Variants in CUL1 observed in about 807,000 individuals in gnomAD.
CUL1 encodes cullin-1.
Under a neutral mutation model 118.0 loss-of-function variants are expected in CUL1, and 24 were observed. That is an observed-to-expected ratio of 0.20 (90% confidence interval 0.15 to 0.29). The LOEUF (loss-of-function observed/expected upper bound fraction) is 0.29. CUL1 is among the 10% of genes least tolerant of loss of function. The probability of loss-of-function intolerance (pLI) is 1.00; values close to 1 mark genes in which losing one functional copy is unlikely to be tolerated. For synonymous variants in CUL1, 332 were observed against 340.4 expected (o/e 0.98, Z 0.27); for missense variants, 361 against 933.8 (o/e 0.39, Z 7.99).
At chr7:148,705,789 T>C (rs1174879983) in intron 1 of CUL1, among the ~76,000 whole-genome samples, 1 of 152,182 alleles carries the variant, frequency 6.6e-6, no homozygotes, top group Non-Finnish European at 1.5e-5. Flanking sequence ...TTCAAGCTTA[T>C]CTATAGGAAC....
At chr7:148,742,131 A>C (rs1375549345) in intron 2 of CUL1, among the ~76,000 whole-genome samples, 3 of 152,212 alleles carry the variant, frequency 2.0e-5, no homozygotes, top group Non-Finnish European at 4.4e-5. Context: ...AACTTCCTAC[A>C]ATGAAGCCAA....
At chr7:148,748,723 C>T (rs995196544) in intron 2 of CUL1, among the ~76,000 whole-genome samples, 14 of 152,130 alleles carry the variant, frequency 9.2e-5, no homozygotes, top group Admixed American at 2.0e-4. Context: ...TAATGGCCCC[C>T]CCGTTCTGGC....
At chr7:148,720,218 G>A (rs1798356283) in intron 1 of CUL1, among the ~76,000 whole-genome samples, 1 of 152,196 alleles carries the variant, frequency 6.6e-6, no homozygotes, top group Non-Finnish European at 1.5e-5. Context: ...AGTTAACAGA[G>A]TGAGTGCCTG....
intron 9 of CUL1, 183 bp from the exon 10 acceptor site, chr7:148,783,600 A>C: frequency 6.6e-7 from 1 of 1,515,188 alleles, no homozygotes; most frequent in South Asian, 1.2e-5. Flanking sequence ...TATATATATA[A>C]ACAAAATGTC....
chr7:148,769,969 G>A (rs1800154247), intron 9 of CUL1, among the ~76,000 whole-genome samples: 1 of 152,182 alleles, frequency 6.6e-6, no homozygotes, highest in Non-Finnish European at 1.5e-5. Flanking sequence ...ACCAAAGTAA[G>A]GTGCTAAATT....
At chr7:148,766,337 G>T (rs1420623967) in intron 7 of CUL1, among the ~76,000 whole-genome samples, 3 of 152,074 alleles carry the variant, frequency 2.0e-5, no homozygotes, top group Non-Finnish European at 2.9e-5. Context: ...TGTTGCCCAG[G>T]CTGGTCTCAA....
In CUL1 at chr7:148,699,507, G is replaced by T. The variant is rs1046116822; in HGVS notation, c.-162+478G>T. Among the ~76,000 whole-genome samples the T allele has an allele frequency of 1.1e-4, 16 of 152,216 alleles. 1 individual carries two copies. The highest frequency in any genetic ancestry group is 6.8e-3 in the Middle Eastern group (2 of 294). Reference sequence around the variant, plus strand: ...CCCCTCGCGCCCACGCTTCTTCCCGGCGCTGCTTTCCGGCCGACGCGTGTT... The same window carrying T: ...CCCCTCGCGCCCACGCTTCTTCCCGTCGCTGCTTTCCGGCCGACGCGTGTT... On this transcript the variant is annotated intron_variant, in intron 1 of 21. Coordinates refer to ENST00000325222, the MANE Select transcript of CUL1 (RefSeq NM_003592.3).
intron 2 of CUL1, among the ~76,000 whole-genome samples, chr7:148,732,046 A>C (rs559268756): frequency 2.2e-4 from 34 of 152,234 alleles, no homozygotes; most frequent in Non-Finnish European, 4.1e-4. Flanking sequence ...GTGGGATTGC[A>C]GGGTGCTATG....
intron 2 of CUL1, among the ~76,000 whole-genome samples, chr7:148,733,146 G>T (rs1245175942): frequency 6.6e-6 from 1 of 152,150 alleles, no homozygotes; most frequent in Admixed American, 6.5e-5. Context: ...ATTGCCTTTA[G>T]ACACTCTATG....
chr7:148,752,092 C>G (rs1799508972), intron 2 of CUL1, among the ~76,000 whole-genome samples: 1 of 152,018 alleles, frequency 6.6e-6, no homozygotes, highest in South Asian at 2.1e-4. Context: ...GTCTGGGCAA[C>G]AAGAGTGAAA....
At chr7:148,740,340 C>T (rs182459869) in intron 2 of CUL1, among the ~76,000 whole-genome samples, 25 of 152,276 alleles carry the variant, frequency 1.6e-4, no homozygotes, top group East Asian at 7.7e-4. Context: ...CAGGTGTGAG[C>T]CATTGTGCCC....
At chr7:148,775,855 G>A (rs956633498) in intron 9 of CUL1, among the ~76,000 whole-genome samples, 152 of 132,218 alleles carry the variant, frequency 1.1e-3, no homozygotes, top group Non-Finnish European at 9.0e-4. Context: ...AATACCACCA[G>A]AAAAAAAAAA....
chr7:148,747,628 G>A, intron 2 of CUL1, among the ~76,000 whole-genome samples: 1 of 152,174 alleles, frequency 6.6e-6, no homozygotes, highest in East Asian at 1.9e-4. Flanking sequence ...TACTCTCCCA[G>A]GAAGGCAACT....
At chr7:148,753,927 G>T (rs1274252020) in intron 2 of CUL1, 49 bp from the exon 3 acceptor site, 4 of 1,358,240 alleles carry the variant, frequency 2.9e-6, no homozygotes, top group Admixed American at 2.4e-5. Context: ...TTATGTTAAT[G>T]ACCGTTAACG....
chr7:148,797,784 A>C (rs969569081), intron 17 of CUL1, 28 bp from the exon 18 acceptor site: 1 of 1,596,876 alleles, frequency 6.3e-7, no homozygotes, highest in Non-Finnish European at 8.6e-7. Flanking sequence ...TTTTCCCTTT[A>C]ACTTCCTCTT....
chr7:148,790,168 G>A, intron 15 of CUL1, 142 bp from the exon 16 acceptor site: 1 of 887,396 alleles, frequency 1.1e-6, no homozygotes, highest in South Asian at 1.5e-5. Flanking sequence ...TACAAGAGAG[G>A]CAGACACCTG....
At chr7:148,704,814 ATTAT>A (rs1167489352) in intron 1 of CUL1, among the ~76,000 whole-genome samples, 2 of 132,308 alleles carry the variant, frequency 1.5e-5, no homozygotes, top group African/African-American at 8.7e-5. Flanking sequence ...GCAGTAGGTT[ATTAT>A]TTTTTTTTTC....
At chr7:148,700,914 T>G (rs554860624) in intron 1 of CUL1, among the ~76,000 whole-genome samples, 2 of 152,226 alleles carry the variant, frequency 1.3e-5, no homozygotes, top group Non-Finnish European at 2.9e-5. Context: ...GTGTACCACA[T>G]CAGAAGACAG....
At chr7:148,734,796 G>T (rs914128215) in intron 2 of CUL1, among the ~76,000 whole-genome samples, 9 of 152,164 alleles carry the variant, frequency 5.9e-5, no homozygotes, top group African/African-American at 2.2e-4. Flanking sequence ...TCACCTGTTG[G>T]AGGTTTCTGT....
Sources: allele counts gnomAD v4.1 joint callset (sites outside exome capture counted in the v4.1 genomes callset), GRCh38; gene constraint gnomAD v4.1.1; transcripts MANE v1.5; gene names NCBI Gene and HGNC (gene_info 2026-07-23, HGNC 2026-07-21).